Variants in SHC2 observed in about 807,000 individuals in gnomAD.
SHC2 encodes SHC-transforming protein 2.
SHC2 carries 62 observed loss-of-function variants against 60.6 expected under a neutral mutation model. The observed-to-expected ratio is 1.02, with a 90% CI of 0.83 to 1.26. The LOEUF (loss-of-function observed/expected upper bound fraction) is 1.26, where lower values mean the gene tolerates loss of function less well. Ranked by LOEUF, SHC2 falls within the 50% of genes most tolerant of loss-of-function variation. The pLI is 0.00. For synonymous variants in SHC2, 375 were observed against 372.4 expected (o/e 1.01, Z -0.08); for missense variants, 873 against 822.2 (o/e 1.06, Z -0.76).
At position 424,856 on chromosome 19, in the gene SHC2, TC is replaced by T. The variant is rs1974369246; in HGVS notation, c.1309+240del. ...CCGCATTCGCTAGAGAGAATGGGCC[TC>T]CCCTGTCAGACTGGCCCCTTTTAAG... On this transcript the variant is annotated intron_variant, in intron 10 of 12. Transcript: ENST00000264554. This position sits in a 1 kb window ranked among gnomAD's most constrained non-coding sequence, Gnocchi z 4.5. Among the ~76,000 whole-genome samples the T allele has an allele frequency of 6.6e-6, 1 of 152,094 alleles. No individual in the cohort carries two copies. The highest frequency in any genetic ancestry group is 2.4e-5 in the African/African-American group (1 of 41,406).
chr19:426,355 A>G (rs920267572), intron 9 of SHC2, among the ~76,000 whole-genome samples: 2 of 149,872 alleles, frequency 1.3e-5, no homozygotes, highest in African/African-American at 4.9e-5. Context: ...GGAGGACGAC[A>G]GTGCGAGAGG....
Position 440,751 on chromosome 19 carries a change from C to G in SHC2, c.539+111G>C. 1 of 921,240 alleles carries G rather than the reference C, an allele frequency of 1.1e-6. No homozygotes were observed. The highest frequency in any genetic ancestry group is 1.4e-5 in the South Asian group (1 of 71,440). The allele number at this position is 921,240 out of a possible 1,614,324, so 57.1% of individuals were successfully genotyped here. A position where few individuals can be genotyped will look rare whatever the true frequency, so the allele number is the denominator to read the frequency against. ...GAGGTGGGGGGCACCGAGGCTGCGT[C>G]CTGGGACCCCAGCGCGGCTGTCGGA... On this transcript the variant is annotated intron_variant, in intron 2 of 12. Coordinates refer to ENST00000264554, the MANE Select transcript of SHC2 (RefSeq NM_012435.3). The surrounding 1 kb of genome is among the most constrained non-coding windows in gnomAD (Gnocchi z 7.0).
At chr19:431,206 G>A (rs1407333306) in intron 8 of SHC2, among the ~76,000 whole-genome samples, 3 of 152,252 alleles carry the variant, frequency 2.0e-5, no homozygotes, top group African/African-American at 4.8e-5. Flanking sequence ...TAGTGTCTGA[G>A]GGTAGAAGTC....
intron 9 of SHC2, 40 bp downstream of exon 9, chr19:430,644 A>T: frequency 1.3e-6 from 2 of 1,575,422 alleles, no homozygotes. Context: ...GGAGCCCCAG[A>T]ATCCTCGTGG....
chr19:436,650 A>G lies in SHC2; in HGVS notation c.754T>C (p.Phe252Leu). The G allele has an allele frequency of 6.2e-7, 1 of 1,607,758 alleles. No homozygotes were observed. The highest frequency in any genetic ancestry group is 8.5e-7 in the Non-Finnish European group (1 of 1,179,244). The change falls in exon 5 of 13, where the codon TTC becomes CTC. Residue 252 changes from phenylalanine (F) to leucine (L), a missense_variant. Transcript: ENST00000264554. ...IANHHMPSIS[F>L]ASGGDTDMTD... Reference sequence around the variant, plus strand: ...CTCACCGTGTCTCCGCCTGACGCGAAGGAGATGGACGGCATGTGGTGGTTG... The same window carrying G: ...CTCACCGTGTCTCCGCCTGACGCGAGGGAGATGGACGGCATGTGGTGGTTG...
intron 1 of SHC2, among the ~76,000 whole-genome samples, chr19:450,226 C>T (rs1975146918): frequency 6.6e-6 from 1 of 152,216 alleles, no homozygotes; most frequent in Admixed American, 6.5e-5. Flanking sequence ...CTCGGAGCTT[C>T]CTCCAGGCAT....
intron 1 of SHC2, 50 bp downstream of exon 1, chr19:460,479 G>A (rs982969128): frequency 8.3e-5 from 85 of 1,020,280 alleles, no homozygotes; most frequent in Non-Finnish European, 1.0e-4. Context: ...GAGGGTGGGG[G>A]AGGGGAGGCC....
At chr19:460,248 G>C (rs1220057368) in intron 1 of SHC2, among the ~76,000 whole-genome samples, 1 of 150,392 alleles carries the variant, frequency 6.6e-6, no homozygotes, top group Non-Finnish European at 1.5e-5. Flanking sequence ...GGCCTCGCCC[G>C]CCCAGTCCGA....
At chr19:434,630 AAAG>A in intron 8 of SHC2, 76 bp downstream of exon 8, 1 of 1,252,350 alleles carries the variant, frequency 8.0e-7, no homozygotes, top group Admixed American at 3.5e-5. Context: ...ACAGGAGCAG[AAAG>A]AAGAGCTGGA....
chr19:444,016 G>A (rs1183583710), intron 1 of SHC2, among the ~76,000 whole-genome samples: 2 of 149,736 alleles, frequency 1.3e-5, no homozygotes, highest in Non-Finnish European at 3.0e-5. Context: ...TGGATGGGTG[G>A]ATGGATGTGT....
At chr19:442,256 C>T (rs1420748897) in intron 1 of SHC2, among the ~76,000 whole-genome samples, 2 of 146,764 alleles carry the variant, frequency 1.4e-5, no homozygotes, top group East Asian at 2.0e-4. Flanking sequence ...AGTGGGTGAA[C>T]GGATGGATGA....
rs1486505158 is a variant in SHC2 at position 438,230 on chromosome 19, C to T, written c.720+488G>A. Among the ~76,000 whole-genome samples the T allele has an allele frequency of 1.3e-5, 2 of 152,250 alleles. No homozygotes were observed. Among genetic ancestry groups the T allele is most frequent in the African/African-American group, 4.8e-5 (2 of 41,472 alleles). On this transcript the variant is annotated intron_variant, in intron 4 of 12. Coordinates refer to ENST00000264554, the MANE Select transcript of SHC2 (RefSeq NM_012435.3). The surrounding 1 kb of genome is among the most constrained non-coding windows in gnomAD (Gnocchi z 5.0). ...GACCTCAAGTGATCTGCCCACCCCT[C>T]AGCCTCCCAAAGTGCTGGGGTTACA...
At position 422,576 on chromosome 19, in the gene SHC2, G is replaced by T; in HGVS notation, c.1310-120C>A. On this transcript the variant is annotated intron_variant, in intron 10 of 12. Coordinates refer to ENST00000264554, the MANE Select transcript of SHC2 (RefSeq NM_012435.3). The surrounding 1 kb of genome is among the most constrained non-coding windows in gnomAD (Gnocchi z 5.0). ...CCTCGTGCACCCGTCGGCCTGCGCT[G>T]ACCGAGCGCCCACAGCGTATCAGAC... The T allele has an allele frequency of 2.5e-6, 2 of 812,106 alleles. No individual in the cohort carries two copies. The highest frequency in any genetic ancestry group is 1.8e-5 in the South Asian group (1 of 54,714). 50.3% of individuals were successfully genotyped at this position (812,106 alleles called of 1,614,324 possible).
At position 430,539 on chromosome 19, in the gene SHC2, C is replaced by T. The variant is rs1327677972; in HGVS notation, c.1174+145G>A. On this transcript the variant is annotated intron_variant, in intron 9 of 12. Coordinates refer to ENST00000264554, the MANE Select transcript of SHC2 (RefSeq NM_012435.3). ...AAACAGACACTGATGATGAAAATCTCAGCAGAGTGTTAGGAGCAAGACGAT... is the reference window on the plus strand; with the variant it reads ...AAACAGACACTGATGATGAAAATCTTAGCAGAGTGTTAGGAGCAAGACGAT... 6 of 656,690 alleles carry T rather than the reference C, an allele frequency of 9.1e-6. No individual in the cohort carries two copies. In the Admixed American group the frequency reaches 1.8e-4, roughly 20 times the overall value. 40.7% of individuals were successfully genotyped at this position (656,690 alleles called of 1,614,324 possible).
intron 5 of SHC2, 22 bp downstream of exon 5, chr19:436,608 C>A (rs1165430736): frequency 1.9e-6 from 3 of 1,600,112 alleles, no homozygotes; most frequent in Middle Eastern, 1.7e-4. Context: ...GGCTGCAGGT[C>A]CACCCCCATC....
At position 460,737 on chromosome 19, in the gene SHC2, C is replaced by T; in HGVS notation, c.260G>A (p.Cys87Tyr). 1 of 981,304 alleles carries T rather than the reference C, an allele frequency of 1.0e-6. No homozygotes were observed. Among genetic ancestry groups the T allele is most frequent in the Non-Finnish European group, 1.2e-6 (1 of 828,912 alleles). The allele number at this position is 981,304 out of a possible 1,614,324, so 60.8% of individuals were successfully genotyped here. A position where few individuals can be genotyped will look rare whatever the true frequency, so the allele number is the denominator to read the frequency against. ...CGCGGGCAGGGGACAGGGCGCGGCG[C>T]AGCGGGGCTCGCAGGCGCCCAGGAC... ...AAVLGACEPR[C>Y]AAPCPLPALS... The change falls in exon 1 of 13, where the codon TGC (cysteine) becomes TAC (tyrosine). Residue 87 changes from cysteine (C) to tyrosine (Y), a missense_variant. Physicochemically the swap from Cys to Tyr is radical, Grantham distance 194. Transcript: ENST00000264554.
In SHC2 at chr19:438,857, C is replaced by T; in HGVS notation, c.601-20G>A. On this transcript the variant is annotated intron_variant, in intron 3 of 12. Coordinates refer to ENST00000264554, the MANE Select transcript of SHC2 (RefSeq NM_012435.3). This position sits in a 1 kb window ranked among gnomAD's most constrained non-coding sequence, Gnocchi z 5.0. ...GGGGGCCTGAGTTGGGGGCGGAGCA[C>T]AGCGAGGGCGGCTGTGGGTGGGGGC... The T allele has an allele frequency of 6.4e-7, 1 of 1,559,526 alleles. No homozygotes were observed. Among genetic ancestry groups the T allele is most frequent in the Non-Finnish European group, 8.7e-7 (1 of 1,152,760 alleles).
rs931963113 is a variant in SHC2 at position 441,801 on chromosome 19, A to G, written c.469-869T>C. Among the ~76,000 whole-genome samples the G allele has an allele frequency of 4.6e-5, 7 of 152,272 alleles. No individual in the cohort carries two copies. Among genetic ancestry groups the G allele is most frequent in the African/African-American group, 1.7e-4 (7 of 41,478 alleles). The stretch of plus-strand genomic sequence containing the variant: ...AACTGTGAAAAATGCAACATGCAAA[A>G]TGATGAATAACGTTATGTGAAGTCC... On this transcript the variant is annotated intron_variant, in intron 1 of 12. Transcript: ENST00000264554. The surrounding 1 kb of genome is among the most constrained non-coding windows in gnomAD (Gnocchi z 4.9).
At chr19:439,079 G>A (rs1418737665) in intron 2 of SHC2, 49 bp from the exon 3 acceptor site, 2 of 1,305,004 alleles carry the variant, frequency 1.5e-6, no homozygotes, top group Admixed American at 2.0e-5. Context: ...GGTGGCCATG[G>A]AGGGAGCTGG....
Sources: allele counts gnomAD v4.1 joint callset (sites outside exome capture counted in the v4.1 genomes callset), GRCh38; gene constraint gnomAD v4.1.1; non-coding constraint Gnocchi (gnomAD v3.1); transcripts MANE v1.5; gene names NCBI Gene and HGNC (gene_info 2026-07-23, HGNC 2026-07-21).